The following FBXL13 variants were observed in gnomAD, a reference collection of about 807,000 sequenced individuals.
FBXL13 encodes F-box and leucine-rich repeat protein 13.
A neutral mutation model predicts 83.6 loss-of-function variants in FBXL13; 67 were observed. The ratio of observed to expected loss-of-function variants is 0.80; its 90% CI spans 0.66 to 0.98. The LOEUF (loss-of-function observed/expected upper bound fraction) is 0.98. Ranked by LOEUF, FBXL13 falls within the 50% of genes least tolerant of loss-of-function variation. The pLI is 0.00. For synonymous variants in FBXL13, 272 were observed against 299.5 expected, an observed-to-expected ratio of 0.91 and a Z score of 0.95; for missense variants, 822 against 866.5, an observed-to-expected ratio of 0.95 and a Z score of 0.64.
At chr7:102,985,411 G>T (rs909215296) in intron 6 of FBXL13, among the ~76,000 whole-genome samples, 1 of 152,164 alleles carries the variant, frequency 6.6e-6, no homozygotes, top group Non-Finnish European at 1.5e-5. Flanking sequence ...CACAATAAAA[G>T]ATATTGTGGG....
chr7:103,045,559 A>G (rs938956709), intron 2 of FBXL13, among the ~76,000 whole-genome samples: 1 of 152,196 alleles, frequency 6.6e-6, no homozygotes, highest in Non-Finnish European at 1.5e-5. Context: ...GAGTAGAGGG[A>G]CCCTTTATGG....
chr7:102,836,880 G>A (rs560099929), intron 17 of FBXL13, among the ~76,000 whole-genome samples: 2 of 152,232 alleles, frequency 1.3e-5, no homozygotes, highest in Admixed American at 1.3e-4. Context: ...CTCACTTCGT[G>A]TTGCATACTC....
intron 8 of FBXL13, among the ~76,000 whole-genome samples, chr7:102,942,058 T>C (rs575549512): frequency 6.6e-6 from 1 of 152,282 alleles, no homozygotes; most frequent in East Asian, 1.9e-4. Flanking sequence ...CAAATGTGTG[T>C]TCCTTGCTGA....
At chr7:102,986,169 T>C (rs1299157324) in intron 6 of FBXL13, among the ~76,000 whole-genome samples, 1 of 152,204 alleles carries the variant, frequency 6.6e-6, no homozygotes. Context: ...AGTCCTTTCA[T>C]GGCATTTACA....
chr7:102,907,567 G>A (rs947430799), intron 11 of FBXL13, among the ~76,000 whole-genome samples: 12 of 151,662 alleles, frequency 7.9e-5, no homozygotes, highest in East Asian at 7.8e-4. Flanking sequence ...GAGAACATGC[G>A]ATGTTTGGTT....
chr7:102,892,886 G>C (rs1479788654), intron 11 of FBXL13, among the ~76,000 whole-genome samples: 3 of 152,094 alleles, frequency 2.0e-5, no homozygotes, highest in African/African-American at 7.2e-5. Context: ...CCTGTTGGTA[G>C]CTTAAAATAG....
rs541459151 is a variant in FBXL13, at chr7:102,939,899, T to C, written c.725-7966A>G. ...TAGTATACTAAAATGTAGTGGTTTTTTTTTTGTTTTTTGAGATGGAGTCTC... is the reference window on the plus strand; with the variant it reads ...TAGTATACTAAAATGTAGTGGTTTTCTTTTTGTTTTTTGAGATGGAGTCTC... On this transcript the variant is annotated intron_variant, in intron 8 of 19. Coordinates refer to ENST00000313221, the Ensembl canonical transcript of FBXL13. Among the ~76,000 whole-genome samples, 47 of 152,268 alleles carry C rather than the reference T, an allele frequency of 3.1e-4. 1 individual carries two copies. The highest frequency in any genetic ancestry group is 1.1e-3 in the African/African-American group (44 of 41,564).
At chr7:102,865,732 GACGGGGTTTC>G (rs1433968590) in intron 16 of FBXL13, among the ~76,000 whole-genome samples, 45 of 151,802 alleles carry the variant, frequency 3.0e-4, no homozygotes, top group Non-Finnish European at 2.9e-5. Context: ...TTTTAGTAGA[GACGGGGTTTC>G]ACCATGTTGG....
intron 18 of FBXL13, among the ~76,000 whole-genome samples, chr7:102,832,419 G>C (rs73714524): frequency 0.017 from 2,512 of 152,224 alleles, 65 homozygotes; most frequent in African/African-American, 0.057. Flanking sequence ...CAAATTATTT[G>C]TATCTGGTAT....
intron 8 of FBXL13, among the ~76,000 whole-genome samples, chr7:102,955,320 A>C (rs1563145145): frequency 6.6e-6 from 1 of 152,168 alleles, no homozygotes; most frequent in Non-Finnish European, 1.5e-5. Flanking sequence ...TGAAGGCAGA[A>C]ATAAACATGT....
intron 16 of FBXL13, among the ~76,000 whole-genome samples, chr7:102,862,214 C>T (rs755757615): frequency 6.6e-5 from 10 of 150,710 alleles, no homozygotes; most frequent in African/African-American, 1.5e-4. Flanking sequence ...GTGTAGTCCC[C>T]GCTACTCGGT....
At chr7:102,913,321 T>C (rs1815137119) in intron 10 of FBXL13, 106 bp from the exon 12 acceptor site, 1 of 1,387,806 alleles carries the variant, frequency 7.2e-7, no homozygotes, top group African/African-American at 1.4e-5. Context: ...CTCTTCTTCT[T>C]GCAGATGTTC....
intron 11 of FBXL13, among the ~76,000 whole-genome samples, chr7:102,900,573 C>A (rs560338059): frequency 6.6e-6 from 1 of 152,142 alleles, no homozygotes; most frequent in African/African-American, 2.4e-5. Context: ...TTGTACTACA[C>A]CCAGAGCTGA....
intron 9 of FBXL13, among the ~76,000 whole-genome samples, chr7:102,931,066 G>A (rs1294791706): frequency 6.6e-6 from 1 of 152,150 alleles, no homozygotes. Context: ...CCCAGCCCTG[G>A]GAGCCAGTGA....
chr7:103,066,850 G>A (rs548613200), intron 1 of FBXL13, among the ~76,000 whole-genome samples: 4 of 147,088 alleles, frequency 2.7e-5, no homozygotes, highest in Non-Finnish European at 4.5e-5. Flanking sequence ...GGAGTGCAAT[G>A]GCGTGATCGC....
intron 6 of FBXL13, among the ~76,000 whole-genome samples, chr7:102,980,268 C>G (rs1828029224): frequency 6.6e-6 from 1 of 152,074 alleles, no homozygotes; most frequent in Admixed American, 6.5e-5. Flanking sequence ...ACATATAGAC[C>G]AATGGAATAG....
chr7:102,834,473 A>ATG lies in FBXL13; in HGVS notation c.1720-1501_1720-1500dup, dbSNP rs1554405405. 4.3e-3 allele frequency: 613 copies of ATG among 141,530 alleles called. 7 individuals are homozygous for ATG. Among genetic ancestry groups the ATG allele is most frequent in the African/African-American group, 0.016 (588 of 37,862 alleles). 8.8% of individuals were successfully genotyped at this position (141,530 alleles called of 1,614,324 possible). ...TATGTGATTATATATATATATATAT[A>ATG]TGTGATGTGGCTCTTAGCACAAAAT... On this transcript the variant is annotated intron_variant, in intron 17 of 19. Coordinates refer to ENST00000313221, the Ensembl canonical transcript of FBXL13.
intron 2 of FBXL13, among the ~76,000 whole-genome samples, chr7:103,030,632 A>G (rs963378667): frequency 2.0e-5 from 3 of 152,062 alleles, no homozygotes; most frequent in East Asian, 3.8e-4. Flanking sequence ...ACAGTAAATG[A>G]TATGTCATAA....
chr7:103,012,492 G>A (rs1266226784), intron 6 of FBXL13, among the ~76,000 whole-genome samples: 1 of 152,098 alleles, frequency 6.6e-6, no homozygotes, highest in Non-Finnish European at 1.5e-5. Flanking sequence ...AGAGATTGGG[G>A]GAGCCTATAT....
Sources: gnomAD v4.1 joint callset for allele counts (sites outside exome capture counted in the v4.1 genomes callset) on GRCh38, gnomAD v4.1.1 for gene constraint, MANE v1.5 for transcripts, NCBI Gene and HGNC (gene_info 2026-07-23, HGNC 2026-07-21) for gene names.